The following TSPEAR variants were observed in gnomAD, a reference collection of about 807,000 sequenced individuals.
The protein encoded by TSPEAR is thrombospondin-type laminin G domain and EAR repeat-containing protein.
Under a neutral mutation model 71.6 loss-of-function variants are expected in TSPEAR, and 69 were observed. The ratio of observed to expected loss-of-function variants is 0.96; its 90% CI spans 0.79 to 1.18. TSPEAR has a LOEUF of 1.18. TSPEAR is among the 50% of genes most tolerant of loss of function. TSPEAR has a pLI of 0.00. For synonymous variants in TSPEAR, 402 were observed against 387.2 expected (o/e 1.04, Z -0.45); for missense variants, 971 against 894.9 (o/e 1.09, Z -1.09).
Position 44,646,964 on chromosome 21 carries a change from G to A in TSPEAR, c.82+64469C>T, listed in dbSNP as rs1555940108. The A allele has an allele frequency of 5.0e-6, 8 of 1,612,604 alleles. No individual in the cohort carries two copies. In the African/African-American group the frequency reaches 5.4e-5, roughly 11 times the overall value. On this transcript the variant is annotated intron_variant, in intron 1 of 11. Transcript: ENST00000323084. ...TGCTCTGAGGATTCCTCTTCATGCT[G>A]CCAGCAGTCTAGCTGCCAGCCAGCT... is the stretch of plus-strand genomic sequence containing the variant.
At chr21:44,574,640 C>T (rs1555923507) in intron 1 of TSPEAR, 2 of 1,287,844 alleles carry the variant, frequency 1.6e-6, no homozygotes, top group Non-Finnish European at 2.1e-6. Flanking sequence ...CTGGGGCTTC[C>T]TCTCTGTGCT....
chr21:44,637,169 C>G (rs1353169964), intron 1 of TSPEAR, among the ~76,000 whole-genome samples: 1 of 152,184 alleles, frequency 6.6e-6, no homozygotes, highest in East Asian at 1.9e-4. Context: ...GGGCGCCGGT[C>G]CTGCCCAGGA....
intron 1 of TSPEAR, chr21:44,658,396 G>T (rs1985295991): frequency 3.3e-6 from 3 of 919,432 alleles, no homozygotes; most frequent in Non-Finnish European, 4.9e-6. Flanking sequence ...GAACTCTGGG[G>T]TGAGAACGTG....
At position 44,702,512 on chromosome 21, in the gene TSPEAR, G is replaced by C. The variant is rs1336892559; in HGVS notation, c.82+8921C>G. ...AAGCCTGTCTGTTGCAAGCCCGTCT[G>C]CTGTGTGCCTGTCTGCTCTGGGGCT... On this transcript the variant is annotated intron_variant, in intron 1 of 11. Transcript: ENST00000323084. 1.2e-5 allele frequency: 20 copies of C among 1,608,668 alleles called. No homozygotes were observed. The African/African-American group carries it at 1.7e-4, about 14-fold the overall frequency.
chr21:44,584,993 T>G (rs1311141017), intron 1 of TSPEAR, among the ~76,000 whole-genome samples: 1 of 152,242 alleles, frequency 6.6e-6, no homozygotes, highest in Non-Finnish European at 1.5e-5. Flanking sequence ...GCATGTTTCT[T>G]TTTCAATCTT....
chr21:44,644,150 T>C (rs1160432913), intron 1 of TSPEAR, among the ~76,000 whole-genome samples: 2 of 152,096 alleles, frequency 1.3e-5, no homozygotes, highest in Non-Finnish European at 2.9e-5. Context: ...TAAGAAATGG[T>C]TTGATCATTT....
intron 1 of TSPEAR, among the ~76,000 whole-genome samples, chr21:44,588,848 C>G (rs2146116434): frequency 6.6e-6 from 1 of 151,656 alleles, no homozygotes; most frequent in East Asian, 1.9e-4. Context: ...ATGGCATTCA[C>G]AGAGACCTGG....
At chr21:44,637,290 T>G in intron 1 of TSPEAR, 1 of 1,284,788 alleles carries the variant, frequency 7.8e-7, no homozygotes, top group Non-Finnish European at 1.1e-6. Flanking sequence ...CATTGCTGAG[T>G]CTCCTGCTGG....
intron 1 of TSPEAR, chr21:44,601,287 C>A: frequency 6.2e-7 from 1 of 1,609,310 alleles, no homozygotes; most frequent in East Asian, 2.2e-5. Context: ...GCACCTCCTC[C>A]CCTTGCCAGC....
intron 1 of TSPEAR, among the ~76,000 whole-genome samples, chr21:44,709,401 A>T (rs1555953148): frequency 6.6e-6 from 1 of 152,244 alleles, no homozygotes; most frequent in East Asian, 1.9e-4. Flanking sequence ...ACGGGGCTGG[A>T]GCCGCCTGAA....
chr21:44,596,324 T>C (rs1980368137), intron 1 of TSPEAR, among the ~76,000 whole-genome samples: 1 of 152,188 alleles, frequency 6.6e-6, no homozygotes, highest in South Asian at 2.1e-4. Flanking sequence ...GCACATCCCA[T>C]CACCCTCTCT....
Position 44,533,915 on chromosome 21 carries a change from C to T in TSPEAR, c.312G>A (p.Glu104=), listed in dbSNP as rs1555916069. 4 of 1,610,896 alleles carry T rather than the reference C, an allele frequency of 2.5e-6. No individual in the cohort carries two copies. In the East Asian group the frequency reaches 9.0e-5, roughly 36 times the overall value. Residue 104 remains glutamate (E), a synonymous_variant, in exon 3 of 12, where the codon GAG becomes GAA. Coordinates refer to ENST00000323084, the MANE Select transcript of TSPEAR (RefSeq NM_144991.3). ...CCTCTGCCACCACCGTCAGCAGGTA[C>T]TCGTTCCTCTGTGGAGAGCGGGCCA... ...RVPNLPPKRN[E]YLLTVVAEES...
intron 2 of TSPEAR, chr21:44,550,937 G>A: frequency 2.7e-6 from 4 of 1,484,890 alleles, no homozygotes; most frequent in Non-Finnish European, 3.6e-6. Context: ...ACGGGGAGGA[G>A]GTGCAGCAAG....
At chr21:44,644,650 T>C (rs782045621) in intron 1 of TSPEAR, among the ~76,000 whole-genome samples, 6 of 152,138 alleles carry the variant, frequency 3.9e-5, no homozygotes, top group Non-Finnish European at 7.3e-5. Flanking sequence ...GACTATCTGA[T>C]GTCCAAGGAA....
chr21:44,589,238 A>C (rs1033982089), intron 1 of TSPEAR, among the ~76,000 whole-genome samples: 2 of 152,264 alleles, frequency 1.3e-5, no homozygotes, highest in African/African-American at 2.4e-5. Context: ...TTCAAGGCTC[A>C]TGCATGTTGT....
intron 2 of TSPEAR, among the ~76,000 whole-genome samples, chr21:44,552,626 G>A (rs978633061): frequency 1.1e-4 from 16 of 152,148 alleles, no homozygotes; most frequent in African/African-American, 3.6e-4. Flanking sequence ...GAAATGAGAC[G>A]TGAACCTCTG....
At chr21:44,609,394 C>T (rs1981516064) in intron 1 of TSPEAR, among the ~76,000 whole-genome samples, 1 of 152,166 alleles carries the variant, frequency 6.6e-6, no homozygotes, top group African/African-American at 2.4e-5. Context: ...CAGAAAGTTA[C>T]TGGAGGATGT....
intron 1 of TSPEAR, among the ~76,000 whole-genome samples, chr21:44,644,212 CA>C (rs1984178641): frequency 6.6e-6 from 1 of 152,150 alleles, no homozygotes; most frequent in African/African-American, 2.4e-5. Context: ...TTCCATGATC[CA>C]AAAAGTCATG....
At chr21:44,631,138 C>A (rs2876970) in intron 1 of TSPEAR, among the ~76,000 whole-genome samples, 2 of 151,794 alleles carry the variant, frequency 1.3e-5, no homozygotes, top group East Asian at 3.9e-4. Context: ...TGAATTTACT[C>A]GACAAAGTCT....
Sources: allele counts gnomAD v4.1 joint callset (sites outside exome capture counted in the v4.1 genomes callset), GRCh38; gene constraint gnomAD v4.1.1; transcripts MANE v1.5; gene names NCBI Gene and HGNC (gene_info 2026-07-23, HGNC 2026-07-21).